Variants in DCX observed in about 807,000 individuals in gnomAD.
DCX encodes the protein neuronal migration protein doublecortin.
A neutral mutation model predicts 20.9 loss-of-function variants in DCX; 4 were observed. The ratio of observed to expected loss-of-function variants is 0.19; its 90% CI spans 0.09 to 0.44. The LOEUF is 0.44. DCX is among the 20% of genes least tolerant of loss of function. DCX has a pLI of 0.99. For synonymous variants in DCX, 103 were observed against 111.4 expected, an observed-to-expected ratio of 0.92 and a Z score of 0.47; for missense variants, 133 against 296.9, an observed-to-expected ratio of 0.45 and a Z score of 4.06.
intron 5 of DCX, among the ~76,000 whole-genome samples, chrX:111,314,908 G>A (rs1383154465): frequency 9.4e-6 from 1 of 106,657 alleles, no homozygotes; most frequent in Non-Finnish European, 1.9e-5. Flanking sequence ...CCATGTTGTA[G>A]GTTGCCTGTT....
At chrX:111,370,331 T>A (rs1306372545) in intron 3 of DCX, among the ~76,000 whole-genome samples, 1 of 111,795 alleles carries the variant, frequency 8.9e-6, no homozygotes, top group Non-Finnish European at 1.9e-5. Flanking sequence ...TCTCCATTGC[T>A]CAATGAGTGG....
At chrX:111,392,027 G>A (rs1371419020) in intron 3 of DCX, among the ~76,000 whole-genome samples, 1 of 111,410 alleles carries the variant, frequency 9.0e-6, no homozygotes, top group Non-Finnish European at 1.9e-5. Flanking sequence ...AAGGTTAGGA[G>A]GGCCAAGGTA....
rs2095029979 is a variant in DCX at position 111,299,925 on chromosome X, A to C, written c.*1762T>G. On this transcript the variant is annotated 3_prime_UTR_variant, in exon 7 of 7. Coordinates refer to ENST00000636035, the MANE Select transcript of DCX (RefSeq NM_001195553.2). ...ACAGTGCACATCAGCAGTGCCACCC[A>C]GTTGCCACCAATCCATTACAGGGGT... 9.0e-6 allele frequency: 1 copy of C among 110,955 alleles called. No homozygotes were observed. The highest frequency in any genetic ancestry group is 9.6e-5 in the Admixed American group (1 of 10,397). 9.1% of individuals were successfully genotyped at this position (110,955 alleles called of 1,213,427 possible).
chrX:111,355,702 G>A (rs1296549818), intron 3 of DCX, among the ~76,000 whole-genome samples: 1 of 111,286 alleles, frequency 9.0e-6, no homozygotes, highest in Non-Finnish European at 1.9e-5. Context: ...AGAACACAGA[G>A]CCAAGAGAAG....
chrX:111,320,303 A>C (rs181157886), intron 5 of DCX, among the ~76,000 whole-genome samples: 76 of 112,235 alleles, frequency 6.8e-4, no homozygotes, highest in African/African-American at 2.4e-3. Flanking sequence ...GCCATTTGAC[A>C]TGGATTCTAG....
intron 3 of DCX, among the ~76,000 whole-genome samples, chrX:111,372,610 A>G (rs1016387193): frequency 9.0e-6 from 1 of 111,196 alleles, no homozygotes; most frequent in South Asian, 3.8e-4. Context: ...CTAATAGCCT[A>G]CCCTCACAGG....
At chrX:111,351,686 T>A (rs765981694) in intron 3 of DCX, among the ~76,000 whole-genome samples, 1 of 112,007 alleles carries the variant, frequency 8.9e-6, no homozygotes, top group Non-Finnish European at 1.9e-5. Flanking sequence ...GCTACCTTAG[T>A]TTTCCTGGTT....
chrX:111,401,766 G>GATAT (rs10639337), intron 2 of DCX, among the ~76,000 whole-genome samples: 7,726 of 111,752 alleles, frequency 0.069, 461 homozygotes, highest in African/African-American at 0.19. Context: ...ATCCCTTTGT[G>GATAT]ATATTATGAA....
At chrX:111,319,505 C>T (rs923037076) in intron 5 of DCX, among the ~76,000 whole-genome samples, 7 of 112,316 alleles carry the variant, frequency 6.2e-5, no homozygotes, top group Middle Eastern at 4.6e-3. Context: ...GGGCACTAGA[C>T]TTTGTCAAGG....
At chrX:111,347,773 T>G (rs1312673290) in intron 3 of DCX, among the ~76,000 whole-genome samples, 1 of 110,863 alleles carries the variant, frequency 9.0e-6, no homozygotes, top group Non-Finnish European at 1.9e-5. Context: ...CATAATAAAC[T>G]TTTCGAATAG....
At position 111,410,545 on chromosome X, in the gene DCX, G is replaced by A. The variant is rs867771786; in HGVS notation, c.-22-125C>T. On this transcript the variant is annotated intron_variant, in intron 1 of 6. Transcript: ENST00000636035. ...ATCTGCAATCTGCTGCTTGTGAAAA[G>A]AACTGGTTGAAAAAAGCCTGTGACC... 17 of 1,004,660 alleles carry A rather than the reference G, an allele frequency of 1.7e-5. No individual in the cohort carries two copies. The East Asian group carries it at 5.3e-4, about 32-fold the overall frequency. The allele number at this position is 1,004,660 out of a possible 1,213,427, so 82.8% of individuals were successfully genotyped here.
At chrX:111,353,581 G>A (rs968827860) in intron 3 of DCX, among the ~76,000 whole-genome samples, 1 of 111,116 alleles carries the variant, frequency 9.0e-6, no homozygotes, top group Non-Finnish European at 1.9e-5. Context: ...TCACATTCCT[G>A]GCATAGTAGT....
chrX:111,319,886 C>T (rs1185290624), intron 5 of DCX, among the ~76,000 whole-genome samples: 2 of 112,084 alleles, frequency 1.8e-5, no homozygotes, highest in East Asian at 5.6e-4. Context: ...AGCTTTATAG[C>T]CTCTCTATAT....
chrX:111,404,048 T>TTAAAATAAAA (rs10688083), intron 2 of DCX, among the ~76,000 whole-genome samples: 23,254 of 73,317 alleles, frequency 0.32, 3,769 homozygotes, highest in East Asian at 0.45. Context: ...AGATTCCGTC[T>TTAAAATAAAA]TAAAATAAAA....
intron 3 of DCX, among the ~76,000 whole-genome samples, chrX:111,348,129 G>A (rs1421384462): frequency 9.0e-6 from 1 of 111,702 alleles, no homozygotes; most frequent in Non-Finnish European, 1.9e-5. Context: ...CACATTGCTG[G>A]CTAATGACAG....
chrX:111,368,033 T>C (rs1259123708), intron 3 of DCX, among the ~76,000 whole-genome samples: 1 of 111,708 alleles, frequency 9.0e-6, no homozygotes, highest in African/African-American at 3.3e-5. Flanking sequence ...GGAAGAGTTC[T>C]TTACCATGTT....
rs1045402207 is a variant in DCX at position 111,296,281 on chromosome X, G to A, written c.*5406C>T. On this transcript the variant is annotated 3_prime_UTR_variant, in exon 7 of 7. Coordinates refer to ENST00000636035, the MANE Select transcript of DCX (RefSeq NM_001195553.2). ...TTCAAGTCTTTGCCTTACTTACAAG[G>A]TGACTTCTGTTGTGCCATCTGACCT... 8.9e-6 allele frequency: 1 copy of A among 111,788 alleles called. No individual in the cohort carries two copies. Among genetic ancestry groups the A allele is most frequent in the Non-Finnish European group, 1.9e-5 (1 of 53,211 alleles). 9.2% of individuals were successfully genotyped at this position (111,788 alleles called of 1,213,427 possible).
intron 4 of DCX, 120 bp downstream of exon 4, chrX:111,332,931 C>T: frequency 1.8e-6 from 1 of 560,794 alleles, no homozygotes; most frequent in Non-Finnish European, 3.1e-6. Flanking sequence ...GAAAGACCAA[C>T]ATTATAAGCC....
intron 3 of DCX, among the ~76,000 whole-genome samples, chrX:111,400,497 C>T (rs910385907): frequency 6.2e-5 from 7 of 112,162 alleles, no homozygotes; most frequent in African/African-American, 1.3e-4. Context: ...GCAAAGACAA[C>T]GAGCCAGAGG....
Sources: gnomAD v4.1 joint callset for allele counts (sites outside exome capture counted in the v4.1 genomes callset) on GRCh38, gnomAD v4.1.1 for gene constraint, MANE v1.5 for transcripts, NCBI Gene and HGNC (gene_info 2026-07-23, HGNC 2026-07-21) for gene names.